The following DLGAP4 variants were observed in gnomAD, a reference collection of about 807,000 sequenced individuals.
DLGAP4 encodes the protein disks large-associated protein 4.
Under a neutral mutation model 86.9 loss-of-function variants are expected in DLGAP4, and 18 were observed. The ratio of observed to expected loss-of-function variants is 0.21; its 90% CI spans 0.14 to 0.31. The LOEUF is 0.31. Among genes scored for constraint, DLGAP4 ranks in the 10% least tolerant of loss-of-function variants. The probability of loss-of-function intolerance (pLI) is 1.00; values close to 1 mark genes in which losing one functional copy is unlikely to be tolerated. For missense variants in DLGAP4, 1,085 were observed against 1,362.6 expected (o/e 0.80, Z 3.21); for synonymous variants, 548 against 574.3 (o/e 0.95, Z 0.65).
At chr20:36,479,917 G>A (rs1226629385) in intron 7 of DLGAP4, among the ~76,000 whole-genome samples, 2 of 152,110 alleles carry the variant, frequency 1.3e-5, no homozygotes, top group African/African-American at 4.8e-5. Context: ...TGGAGGGCCT[G>A]GGATTGGGCA....
chr20:36,357,556 G>A (rs2030370775), intron 1 of DLGAP4, among the ~76,000 whole-genome samples: 1 of 152,148 alleles, frequency 6.6e-6, no homozygotes, highest in Admixed American at 6.5e-5. Flanking sequence ...GTCAGAGCTC[G>A]GTGTGAACAA....
At chr20:36,391,211 G>A (rs1437871198) in intron 2 of DLGAP4, among the ~76,000 whole-genome samples, 1 of 152,080 alleles carries the variant, frequency 6.6e-6, no homozygotes, top group Non-Finnish European at 1.5e-5. Flanking sequence ...CTATAGCCGT[G>A]GGAGATAGAA....
intron 1 of DLGAP4, among the ~76,000 whole-genome samples, chr20:36,322,839 G>A (rs2065182087): frequency 1.3e-5 from 2 of 152,148 alleles, no homozygotes; most frequent in Admixed American, 6.5e-5. Flanking sequence ...CTTGATATAT[G>A]TGTATATCTC....
At chr20:36,315,385 G>C (rs971467244) in intron 1 of DLGAP4, among the ~76,000 whole-genome samples, 1 of 151,872 alleles carries the variant, frequency 6.6e-6, no homozygotes, top group Non-Finnish European at 1.5e-5. Flanking sequence ...CATGGGTCAC[G>C]GGCCTGGAGA....
intron 6 of DLGAP4, among the ~76,000 whole-genome samples, chr20:36,445,354 A>C (rs1294298677): frequency 6.6e-6 from 1 of 152,148 alleles, no homozygotes; most frequent in East Asian, 1.9e-4. Flanking sequence ...AAATACAAAA[A>C]TTAGCCGGGC....
intron 1 of DLGAP4, among the ~76,000 whole-genome samples, chr20:36,315,215 C>T (rs1443586185): frequency 6.6e-6 from 1 of 151,364 alleles, no homozygotes; most frequent in East Asian, 1.9e-4. Context: ...TGTTTGTGTG[C>T]GTTGTGTTAC....
At chr20:36,386,918 T>A (rs530647998) in intron 2 of DLGAP4, among the ~76,000 whole-genome samples, 1 of 152,364 alleles carries the variant, frequency 6.6e-6, no homozygotes, top group East Asian at 1.9e-4. Flanking sequence ...ATTTTTGAGA[T>A]GTATACAAGT....
At chr20:36,314,870 A>G (rs1373553742) in intron 1 of DLGAP4, among the ~76,000 whole-genome samples, 1 of 105,490 alleles carries the variant, frequency 9.5e-6, no homozygotes, top group South Asian at 3.3e-4. Context: ...TGATGTGGGT[A>G]TGTGGTGTGT....
intron 1 of DLGAP4, among the ~76,000 whole-genome samples, chr20:36,365,017 C>T (rs2030635396): frequency 6.6e-6 from 1 of 152,178 alleles, no homozygotes; most frequent in Non-Finnish European, 1.5e-5. Context: ...GTCGCTTGAG[C>T]CCAGAAGGTC....
intron 1 of DLGAP4, among the ~76,000 whole-genome samples, chr20:36,345,057 C>A (rs1452585149): frequency 6.6e-6 from 1 of 152,172 alleles, no homozygotes; most frequent in Admixed American, 6.5e-5. Flanking sequence ...TTTGAAGGGA[C>A]CTAAAGTCAC....
chr20:36,442,925 G>A, intron 6 of DLGAP4, 148 bp downstream of exon 6: 1 of 957,156 alleles, frequency 1.0e-6, no homozygotes, highest in Non-Finnish European at 1.7e-6. Context: ...ATGGAGTTGA[G>A]GGTCACATTG....
chr20:36,462,354 C>G (rs917526829), intron 7 of DLGAP4: 2 of 1,377,254 alleles, frequency 1.5e-6, no homozygotes, highest in East Asian at 3.1e-5. Context: ...TCTCCCTGCC[C>G]CTCTGTGCCC....
chr20:36,405,677 G>A (rs1435331552), intron 2 of DLGAP4, among the ~76,000 whole-genome samples: 1 of 152,132 alleles, frequency 6.6e-6, no homozygotes, highest in East Asian at 1.9e-4. Flanking sequence ...AGAACATGGG[G>A]AGAGGAGCCA....
At chr20:36,386,435 AAAG>A (rs1270194782) in intron 2 of DLGAP4, among the ~76,000 whole-genome samples, 1 of 151,022 alleles carries the variant, frequency 6.6e-6, no homozygotes, top group Non-Finnish European at 1.5e-5. Context: ...AGGGAGAAAC[AAAG>A]AAGGAAAGGA....
At chr20:36,395,326 T>C (rs1003132462) in intron 2 of DLGAP4, among the ~76,000 whole-genome samples, 9 of 152,168 alleles carry the variant, frequency 5.9e-5, no homozygotes, top group Admixed American at 5.9e-4. Context: ...GTAGGCTCTA[T>C]GGGGGCAAGG....
chr20:36,369,642 A>G (rs762373337), intron 2 of DLGAP4, among the ~76,000 whole-genome samples: 1 of 152,182 alleles, frequency 6.6e-6, no homozygotes, highest in Non-Finnish European at 1.5e-5. Flanking sequence ...GCCTTGGTGG[A>G]GAAAAGAACA....
intron 1 of DLGAP4, among the ~76,000 whole-genome samples, chr20:36,335,787 G>A (rs1166060715): frequency 2.0e-5 from 3 of 152,232 alleles, no homozygotes; most frequent in East Asian, 1.9e-4. Flanking sequence ...CAGGTGTGGA[G>A]CTGCCCCCTC....
intron 10 of DLGAP4, among the ~76,000 whole-genome samples, chr20:36,514,197 C>A (rs1396132495): frequency 1.3e-5 from 2 of 151,976 alleles, no homozygotes; most frequent in Non-Finnish European, 2.9e-5. Context: ...GAAGGGCTCA[C>A]CAAGCCAGAT....
At chr20:36,461,677 GGCCCTGCCCCGCCCCCGCCCTC>G in intron 7 of DLGAP4, 2 of 49,066 alleles carry the variant, frequency 4.1e-5, no homozygotes, top group Non-Finnish European at 5.5e-5. Context: ...GGCCCGGCCC[GGCCCTGCCCCGCCCCCGCCCTC>G]GCCCTCCTCC....
Sources: gnomAD v4.1 joint callset for allele counts (sites outside exome capture counted in the v4.1 genomes callset) on GRCh38, gnomAD v4.1.1 for gene constraint, MANE v1.5 for transcripts, NCBI Gene and HGNC (gene_info 2026-07-23, HGNC 2026-07-21) for gene names.